The following MTUS1 variants were observed in gnomAD, a reference collection of about 807,000 sequenced individuals.
MTUS1 encodes microtubule associated scaffold protein 1.
In MTUS1, 109 loss-of-function variants were observed where a neutral mutation model predicts 120.8. That is an observed-to-expected ratio of 0.90 (90% CI 0.77 to 1.06). The LOEUF (loss-of-function observed/expected upper bound fraction) is 1.06. Ranked by LOEUF, MTUS1 falls within the 50% of genes least tolerant of loss-of-function variation. MTUS1 has a pLI of 0.00. For synonymous variants in MTUS1, 737 were observed against 550.5 expected, an observed-to-expected ratio of 1.34 and a Z score of -4.74; for missense variants, 2,210 against 1,486.3, an observed-to-expected ratio of 1.49 and a Z score of -8.01.
intron 6 of MTUS1, among the ~76,000 whole-genome samples, chr8:17,686,005 C>T (rs150652489): frequency 2.7e-4 from 41 of 152,286 alleles, no homozygotes; most frequent in African/African-American, 9.6e-4. Flanking sequence ...AATATTTGAC[C>T]ATGAGATTAG....
At chr8:17,775,954 G>C (rs753738771) in intron 1 of MTUS1, among the ~76,000 whole-genome samples, 1 of 152,190 alleles carries the variant, frequency 6.6e-6, no homozygotes, top group Non-Finnish European at 1.5e-5. Context: ...CATCAGCGCC[G>C]GTCCCATCTG....
intron 8 of MTUS1, among the ~76,000 whole-genome samples, chr8:17,656,937 T>C (rs1015973957): frequency 1.3e-5 from 2 of 150,818 alleles, no homozygotes; most frequent in Non-Finnish European, 2.9e-5. Flanking sequence ...TGGGCGCCTG[T>C]AGTCCCAGCT....
chr8:17,765,480 C>T (rs1035384599), intron 1 of MTUS1, among the ~76,000 whole-genome samples: 10 of 151,912 alleles, frequency 6.6e-5, no homozygotes, highest in Middle Eastern at 3.4e-3. Context: ...ATTAGCCAGG[C>T]GTGGTGGTGT....
chr8:17,676,176 G>A, intron 7 of MTUS1: 1 of 690,586 alleles, frequency 1.4e-6, no homozygotes, highest in South Asian at 1.5e-5. Flanking sequence ...TTGCAGGCAA[G>A]AGTTGCTTGT....
chr8:17,669,346 T>C (rs1811538217), intron 8 of MTUS1, among the ~76,000 whole-genome samples: 1 of 151,998 alleles, frequency 6.6e-6, no homozygotes, highest in Non-Finnish European at 1.5e-5. Context: ...GCAGAGAGGA[T>C]ACCGTGCAAA....
intron 4 of MTUS1, among the ~76,000 whole-genome samples, chr8:17,719,733 A>C (rs981414185): frequency 6.6e-6 from 1 of 152,166 alleles, no homozygotes; most frequent in Admixed American, 6.5e-5. Flanking sequence ...AGTGTTGGCC[A>C]CTAACCAGTG....
intron 7 of MTUS1, among the ~76,000 whole-genome samples, chr8:17,677,063 A>G (rs933847461): frequency 1.3e-5 from 2 of 152,178 alleles, no homozygotes; most frequent in Non-Finnish European, 2.9e-5. Context: ...TCTGGCTTCA[A>G]TGGTATTCTA....
At chr8:17,743,989 C>A (rs1178192400) in intron 2 of MTUS1, among the ~76,000 whole-genome samples, 190 bp from the exon 3 acceptor site, 1 of 152,104 alleles carries the variant, frequency 6.6e-6, no homozygotes, top group Non-Finnish European at 1.5e-5. Context: ...CACAACTGAC[C>A]AGAATTAACA....
At chr8:17,719,948 T>C (rs1222762496) in intron 4 of MTUS1, among the ~76,000 whole-genome samples, 1 of 152,154 alleles carries the variant, frequency 6.6e-6, no homozygotes, top group African/African-American at 2.4e-5. Flanking sequence ...TGCAAGGACT[T>C]TGAAGATGAC....
chr8:17,654,855 G>C (rs1212174644), intron 9 of MTUS1, 189 bp from the exon 10 acceptor site: 7 of 584,056 alleles, frequency 1.2e-5, no homozygotes, highest in Non-Finnish European at 1.8e-5. Flanking sequence ...CTGGGAGGCA[G>C]AGGTGGAGGA....
chr8:17,692,377 A>G (rs1450786022), intron 6 of MTUS1, among the ~76,000 whole-genome samples: 1 of 151,976 alleles, frequency 6.6e-6, no homozygotes, highest in Admixed American at 6.6e-5. Flanking sequence ...TGAGGCAACA[A>G]TCATGAGGAC....
chr8:17,737,999 C>A (rs931143134), intron 3 of MTUS1, among the ~76,000 whole-genome samples: 1 of 152,032 alleles, frequency 6.6e-6, no homozygotes. Flanking sequence ...TTACATAAAC[C>A]ACGAAGGAAA....
In MTUS1 at chr8:17,677,888, TTAAC is replaced by T. The variant is rs1261120764; in HGVS notation, c.2839-2640_2839-2637del. On this transcript the variant is annotated intron_variant, in intron 7 of 14. Transcript: ENST00000693296. The stretch of plus-strand genomic sequence containing the variant: ...TTGGTAACTTATTACTTCAAACTAA[TTAAC>T]TAAGCATTTTTCATAGCAGATGCTG... Among the ~76,000 whole-genome samples, 13 of 152,298 alleles carry T rather than the reference TTAAC, an allele frequency of 8.5e-5. No individual in the cohort carries two copies. The Middle Eastern group carries it at 0.014, about 159-fold the overall frequency.
chr8:17,687,382 C>T (rs996621472), intron 6 of MTUS1, among the ~76,000 whole-genome samples: 4 of 152,080 alleles, frequency 2.6e-5, no homozygotes, highest in African/African-American at 4.8e-5. Context: ...CTCATCAATA[C>T]GTACTTCACA....
At chr8:17,732,529 T>A (rs1194612639) in intron 3 of MTUS1, among the ~76,000 whole-genome samples, 2 of 152,194 alleles carry the variant, frequency 1.3e-5, no homozygotes, top group Non-Finnish European at 2.9e-5. Flanking sequence ...TCTCATCCAG[T>A]CTGGTGGCTT....
At chr8:17,654,452 G>C in intron 10 of MTUS1, 109 bp downstream of exon 10, 1 of 777,124 alleles carries the variant, frequency 1.3e-6, no homozygotes, top group African/African-American at 1.7e-5. Flanking sequence ...CAGCCTGAAG[G>C]CCACAGGGCA....
chr8:17,673,428 C>A (rs1812427313), intron 8 of MTUS1, among the ~76,000 whole-genome samples: 1 of 152,160 alleles, frequency 6.6e-6, no homozygotes, highest in Admixed American at 6.5e-5. Context: ...GGCCTCACCT[C>A]CCACTGGAAG....
chr8:17,726,605 A>T (rs954316864), intron 3 of MTUS1, among the ~76,000 whole-genome samples: 2 of 152,190 alleles, frequency 1.3e-5, no homozygotes, highest in Non-Finnish European at 2.9e-5. Context: ...ACCCATTTTT[A>T]CAAGCTTATT....
chr8:17,770,830 A>C (rs2049969821), intron 1 of MTUS1, among the ~76,000 whole-genome samples: 1 of 152,168 alleles, frequency 6.6e-6, no homozygotes. Context: ...TAAAACTGTA[A>C]ACAAACAAAA....
Sources: allele counts gnomAD v4.1 joint callset (sites outside exome capture counted in the v4.1 genomes callset), GRCh38; gene constraint gnomAD v4.1.1; transcripts MANE v1.5; gene names NCBI Gene and HGNC (gene_info 2026-07-23, HGNC 2026-07-21).